Variants in PIGU observed in about 807,000 individuals in gnomAD.
PIGU encodes phosphatidylinositol glycan anchor biosynthesis class U, also known as GPI-anchor transamidase component PIGU.
PIGU carries 24 observed loss-of-function variants against 49.9 expected under a neutral mutation model. The ratio of observed to expected loss-of-function variants is 0.48; its 90% CI spans 0.35 to 0.68. PIGU has a LOEUF of 0.68. PIGU is among the 30% of genes least tolerant of loss of function. PIGU has a pLI of 0.01. For missense variants in PIGU, 490 were observed against 532.6 expected (o/e 0.92, Z 0.79); for synonymous variants, 220 against 205.7 (o/e 1.07, Z -0.59).
chr20:34,631,758 TATATATATATATATATATATATATA>T (rs1985754873), intron 6 of PIGU, among the ~76,000 whole-genome samples: 1 of 5,430 alleles, frequency 1.8e-4, no homozygotes, highest in Non-Finnish European at 3.7e-4. Context: ...TATATATATA[TATATATATATATATATATATATATA>T]TATTTTTTTT....
intron 1 of PIGU, among the ~76,000 whole-genome samples, chr20:34,660,500 G>A (rs972187172): frequency 5.9e-5 from 9 of 152,236 alleles, no homozygotes; most frequent in African/African-American, 2.2e-4. Context: ...CAGGAGAATC[G>A]CTTGAACCTG....
At chr20:34,588,333 T>C in intron 8 of PIGU, 120 bp downstream of exon 8, 2 of 867,664 alleles carry the variant, frequency 2.3e-6, no homozygotes, top group Non-Finnish European at 3.3e-6. Context: ...TTTTAGTTGT[T>C]TGAGGAATGT....
intron 11 of PIGU, among the ~76,000 whole-genome samples, chr20:34,567,593 A>C (rs1047461564): frequency 4.8e-5 from 2 of 41,554 alleles, no homozygotes; most frequent in Non-Finnish European, 1.0e-4. Context: ...TGCTCTTCCC[A>C]GCAGTGAGGT....
At position 34,634,609 on chromosome 20, in the gene PIGU, C is replaced by T. The variant is rs1272183127; in HGVS notation, c.529+6G>A. On this transcript the variant is annotated splice_donor_region_variant and intron_variant, in intron 6 of 11. Transcript: ENST00000217446. ...TGACCTTTGTACTCTCCTTTCAGGG[C>T]CTTACCTTTTATCGTAGTCAAAATG... 6.2e-7 allele frequency: 1 copy of T among 1,611,512 alleles called. No homozygotes were observed. Among genetic ancestry groups the T allele is most frequent in the Non-Finnish European group, 8.5e-7 (1 of 1,178,510 alleles).
At chr20:34,639,042 CA>C (rs1251151099) in intron 4 of PIGU, among the ~76,000 whole-genome samples, 1 of 152,132 alleles carries the variant, frequency 6.6e-6, no homozygotes, top group East Asian at 1.9e-4. Flanking sequence ...ATGTAAAAAG[CA>C]GATCACACTA....
intron 11 of PIGU, among the ~76,000 whole-genome samples, chr20:34,568,159 A>C (rs1242932151): frequency 6.6e-6 from 1 of 152,218 alleles, no homozygotes; most frequent in Non-Finnish European, 1.5e-5. Context: ...GAGCCAGGAC[A>C]GACAGGGCTG....
chr20:34,614,536 G>C (rs1017769421), intron 7 of PIGU, among the ~76,000 whole-genome samples: 1 of 150,904 alleles, frequency 6.6e-6, no homozygotes, highest in Non-Finnish European at 1.5e-5. Context: ...AAGGTGAGAC[G>C]ATCGATTGAG....
At chr20:34,576,338 T>C (rs899816784) in intron 10 of PIGU, among the ~76,000 whole-genome samples, 1 of 152,230 alleles carries the variant, frequency 6.6e-6, no homozygotes, top group African/African-American at 2.4e-5. Flanking sequence ...CTGGCTACAT[T>C]AGTTTTCCAT....
chr20:34,576,569 A>G (rs766779940), intron 10 of PIGU, among the ~76,000 whole-genome samples: 21 of 152,000 alleles, frequency 1.4e-4, no homozygotes, highest in Non-Finnish European at 2.5e-4. Context: ...AGGCCTTCTC[A>G]CATTGCATCA....
chr20:34,641,185 G>C (rs983169122), intron 4 of PIGU, among the ~76,000 whole-genome samples: 3 of 152,180 alleles, frequency 2.0e-5, no homozygotes, highest in Admixed American at 2.0e-4. Context: ...CCAAAGTGTT[G>C]GGATTACAGG....
chr20:34,565,968 C>G (rs1982745550), intron 11 of PIGU, among the ~76,000 whole-genome samples: 1 of 152,174 alleles, frequency 6.6e-6, no homozygotes, highest in South Asian at 2.1e-4. Context: ...CATACACGCA[C>G]ACAGGTGCAC....
chr20:34,578,047 C>T (rs1297667947), intron 10 of PIGU, among the ~76,000 whole-genome samples: 1 of 152,116 alleles, frequency 6.6e-6, no homozygotes, highest in Admixed American at 6.6e-5. Flanking sequence ...TTAAAAAGTC[C>T]TTCATTTTAT....
At chr20:34,597,716 T>C (rs769802447) in intron 7 of PIGU, among the ~76,000 whole-genome samples, 12 of 152,198 alleles carry the variant, frequency 7.9e-5, no homozygotes, top group Non-Finnish European at 1.8e-4. Context: ...GATGGATAGA[T>C]GGATATGTGA....
intron 4 of PIGU, among the ~76,000 whole-genome samples, chr20:34,642,859 T>C (rs947982448): frequency 1.3e-5 from 2 of 149,688 alleles, no homozygotes; most frequent in Non-Finnish European, 3.0e-5. Flanking sequence ...CTGGGTTCAA[T>C]TGATTCTTAT....
intron 2 of PIGU, among the ~76,000 whole-genome samples, chr20:34,651,603 C>T (rs539976891): frequency 6.6e-6 from 1 of 152,100 alleles, no homozygotes; most frequent in African/African-American, 2.4e-5. Context: ...TACTGCAAGC[C>T]CGTTCACCAA....
chr20:34,665,609 G>T (rs1334954052), intron 1 of PIGU, among the ~76,000 whole-genome samples: 2 of 152,074 alleles, frequency 1.3e-5, no homozygotes, highest in African/African-American at 4.8e-5. Context: ...CAAAGTGCTG[G>T]GATTACAGGC....
intron 1 of PIGU, among the ~76,000 whole-genome samples, chr20:34,671,512 C>T (rs1482259411): frequency 3.9e-5 from 6 of 152,066 alleles, no homozygotes; most frequent in African/African-American, 1.4e-4. Context: ...ATCCACCCAC[C>T]TCGGCCTCCC....
intron 8 of PIGU, among the ~76,000 whole-genome samples, chr20:34,586,298 T>C (rs572240389): frequency 2.2e-4 from 33 of 149,024 alleles, no homozygotes; most frequent in African/African-American, 8.2e-4. Context: ...GAGAGATGAG[T>C]GATGGCTCTT....
intron 11 of PIGU, chr20:34,562,657 G>A (rs1982576909): frequency 1.0e-6 from 1 of 993,204 alleles, no homozygotes; most frequent in Non-Finnish European, 1.4e-6. Flanking sequence ...CTGGAGCACT[G>A]GACTAATGGC....
Sources: gnomAD v4.1 joint callset for allele counts (sites outside exome capture counted in the v4.1 genomes callset) on GRCh38, gnomAD v4.1.1 for gene constraint, MANE v1.5 for transcripts, NCBI Gene and HGNC (gene_info 2026-07-23, HGNC 2026-07-21) for gene names.